Variants in PIBF1 observed in about 807,000 individuals in gnomAD.
The protein encoded by PIBF1 is progesterone immunomodulatory binding factor 1.
PIBF1 carries 90 observed loss-of-function variants against 112.5 expected under a neutral mutation model. That is an observed-to-expected ratio of 0.80 (90% CI 0.67 to 0.95). The LOEUF is 0.95. PIBF1 is among the 40% of genes least tolerant of loss of function. The pLI is 0.00. For missense variants in PIBF1, 915 were observed against 852.3 expected (o/e 1.07, Z -0.92); for synonymous variants, 301 against 288.6 (o/e 1.04, Z -0.44).
At chr13:72,984,990 G>A (rs1391991355) in intron 16 of PIBF1, among the ~76,000 whole-genome samples, 1 of 151,884 alleles carries the variant, frequency 6.6e-6, no homozygotes, top group Non-Finnish European at 1.5e-5. Context: ...TTTTCCCACT[G>A]CATTTTAGAA....
At chr13:72,920,234 A>G (rs887823906) in intron 13 of PIBF1, among the ~76,000 whole-genome samples, 5 of 152,338 alleles carry the variant, frequency 3.3e-5, no homozygotes, top group Admixed American at 6.5e-5. Context: ...TGCCTTGAAC[A>G]TGTGCCTAAT....
At position 72,788,400 on chromosome 13, in the gene PIBF1, T is replaced by G. The variant is rs954737793; in HGVS notation, c.253-4047T>G. ...ACCATGGCTTAAGCAAGAGAAGGAT[T>G]TTGTTTCTTTGGTATAACAAAAATC... On this transcript the variant is annotated intron_variant, in intron 2 of 17. Transcript: ENST00000326291. 1.3e-4 allele frequency among the ~76,000 whole-genome samples: 20 copies of G among 152,294 alleles called. No homozygotes were observed. The South Asian group carries it at 3.3e-3, about 25-fold the overall frequency.
chr13:72,936,048 G>T (rs978845808), intron 14 of PIBF1, among the ~76,000 whole-genome samples: 7 of 149,046 alleles, frequency 4.7e-5, no homozygotes, highest in African/African-American at 1.7e-4. Flanking sequence ...TATTTTTAGA[G>T]ACAGAGTCTC....
intron 13 of PIBF1, among the ~76,000 whole-genome samples, chr13:72,918,383 ATTTTT>A (rs60024983): frequency 9.7e-6 from 1 of 102,958 alleles, no homozygotes; most frequent in Non-Finnish European, 1.9e-5. Context: ...GCAACTACCT[ATTTTT>A]TTTTTTTTTT....
chr13:72,831,821 A>G (rs1198984285), intron 8 of PIBF1, among the ~76,000 whole-genome samples: 1 of 152,074 alleles, frequency 6.6e-6, no homozygotes, highest in Non-Finnish European at 1.5e-5. Flanking sequence ...TGTCTCATTG[A>G]TCTATCTAAT....
At chr13:73,003,339 G>A (rs1218324660) in intron 17 of PIBF1, among the ~76,000 whole-genome samples, 10 of 151,468 alleles carry the variant, frequency 6.6e-5, no homozygotes, top group African/African-American at 1.2e-4. Context: ...TGCAACCTCC[G>A]CCTCCTGGGT....
At chr13:72,968,138 T>C (rs1415391337) in intron 15 of PIBF1, among the ~76,000 whole-genome samples, 1 of 151,462 alleles carries the variant, frequency 6.6e-6, no homozygotes, top group Admixed American at 6.6e-5. Flanking sequence ...GAGCCGAGAT[T>C]GCGCCACTGC....
intron 17 of PIBF1, among the ~76,000 whole-genome samples, chr13:73,014,914 A>G (rs1380295385): frequency 6.6e-6 from 1 of 152,146 alleles, no homozygotes; most frequent in Non-Finnish European, 1.5e-5. Flanking sequence ...CCTCCCGAGT[A>G]GCTTGGATTA....
intron 14 of PIBF1, among the ~76,000 whole-genome samples, chr13:72,934,212 T>A (rs973576010): frequency 6.6e-6 from 1 of 152,330 alleles, no homozygotes; most frequent in Non-Finnish European, 1.5e-5. Flanking sequence ...AGTATTAGAT[T>A]GCTGTTATAA....
At position 73,015,947 on chromosome 13, in the gene PIBF1, C is replaced by G; in HGVS notation, c.*28C>G. The G allele has an allele frequency of 6.9e-7, 1 of 1,440,350 alleles. No homozygotes were observed. Among genetic ancestry groups the G allele is most frequent in the Non-Finnish European group, 9.5e-7 (1 of 1,056,424 alleles). The allele number at this position is 1,440,350 out of a possible 1,614,324, so 89.2% of individuals were successfully genotyped here. ...TTTTGGATGGGAAGCACCTGTAGAC[C>G]ATTATATACTCCTGAAGTTCTTTTT... On this transcript the variant is annotated 3_prime_UTR_variant, in exon 18 of 18. Transcript: ENST00000326291.
rs141732846 is a variant in PIBF1, at chr13:72,859,750, A to C, written c.1322+5595A>C. Among the ~76,000 whole-genome samples, 18 of 152,324 alleles carry C rather than the reference A, an allele frequency of 1.2e-4. No homozygotes were observed. The East Asian group carries it at 3.5e-3, about 29-fold the overall frequency. The stretch of plus-strand genomic sequence containing the variant: ...TGCATGGTTTCAATATGGAGATATT[A>C]TCCTACAGTAATAGAAGTTATATGT... On this transcript the variant is annotated intron_variant, in intron 10 of 17. Transcript: ENST00000326291.
At chr13:72,894,004 AC>A in intron 11 of PIBF1, 55 bp downstream of exon 11, 1 of 1,010,476 alleles carries the variant, frequency 9.9e-7, no homozygotes, top group Non-Finnish European at 1.4e-6. Context: ...CTCCCTAAGT[AC>A]AAGATTTATA....
intron 10 of PIBF1, among the ~76,000 whole-genome samples, chr13:72,857,112 TG>T (rs1393170991): frequency 1.1e-4 from 17 of 152,318 alleles, no homozygotes; most frequent in Non-Finnish European, 1.5e-4. Flanking sequence ...AAATAAGTTC[TG>T]TGGCTTATAT....
intron 5 of PIBF1, among the ~76,000 whole-genome samples, chr13:72,817,179 C>T (rs1389518185): frequency 6.6e-6 from 1 of 152,170 alleles, no homozygotes; most frequent in Non-Finnish European, 1.5e-5. Flanking sequence ...TAGTTGTCCT[C>T]CACACAGACA....
At chr13:72,951,840 T>C (rs1182015414) in intron 14 of PIBF1, among the ~76,000 whole-genome samples, 1 of 152,166 alleles carries the variant, frequency 6.6e-6, no homozygotes, top group Non-Finnish European at 1.5e-5. Context: ...TAGCTGGGAC[T>C]ACAGGCGTGC....
At chr13:72,869,956 G>A (rs2039093565) in intron 10 of PIBF1, among the ~76,000 whole-genome samples, 1 of 151,958 alleles carries the variant, frequency 6.6e-6, no homozygotes, top group Non-Finnish European at 1.5e-5. Flanking sequence ...TTATGAAAAA[G>A]TTATCTTTTT....
intron 17 of PIBF1, among the ~76,000 whole-genome samples, chr13:73,010,658 T>A (rs2044168969): frequency 6.6e-6 from 1 of 151,804 alleles, no homozygotes; most frequent in Non-Finnish European, 1.5e-5. Flanking sequence ...TGACCAAGAA[T>A]AGTGACAGCC....
chr13:72,875,110 T>TCATACTATATA (rs1265071639), intron 10 of PIBF1, among the ~76,000 whole-genome samples: 5 of 152,210 alleles, frequency 3.3e-5, no homozygotes, highest in Admixed American at 3.3e-4. Flanking sequence ...CTATATTATT[T>TCATACTATATA]TACTGTCTCC....
intron 14 of PIBF1, among the ~76,000 whole-genome samples, chr13:72,936,420 A>G (rs2041872706): frequency 6.6e-6 from 1 of 152,140 alleles, no homozygotes; most frequent in African/African-American, 2.4e-5. Flanking sequence ...GTTGTATTTT[A>G]AATATCTTTG....
Sources: allele counts gnomAD v4.1 joint callset (sites outside exome capture counted in the v4.1 genomes callset), GRCh38; gene constraint gnomAD v4.1.1; transcripts MANE v1.5; gene names NCBI Gene and HGNC (gene_info 2026-07-23, HGNC 2026-07-21).